Variants in NBPF15 observed in about 807,000 individuals in gnomAD.
NBPF15 encodes the protein NBPF member 15.
Under a neutral mutation model 62.2 loss-of-function variants are expected in NBPF15, and 74 were observed. The ratio of observed to expected loss-of-function variants is 1.19; its 90% CI spans 0.99 to 1.44. The LOEUF (loss-of-function observed/expected upper bound fraction) is 1.44, where lower values mean the gene tolerates loss of function less well. NBPF15 is among the 40% of genes most tolerant of loss of function. The pLI, the probability that NBPF15 is intolerant of heterozygous loss-of-function variation, is 0.00. For missense variants in NBPF15, 790 were observed against 550.0 expected, an observed-to-expected ratio of 1.44 and a Z score of -4.36; for synonymous variants, 244 against 209.7, an observed-to-expected ratio of 1.16 and a Z score of -1.41.
chr1:144,424,338 T>C (rs1267643006), intron 20 of NBPF15, among the ~76,000 whole-genome samples: 2 of 151,570 alleles, frequency 1.3e-5, no homozygotes, highest in African/African-American at 2.4e-5. Flanking sequence ...AGATTGTTCA[T>C]GGTTGTGAGG....
chr1:144,427,519 A>G (rs1367424541), intron 16 of NBPF15, among the ~76,000 whole-genome samples: 2 of 148,984 alleles, frequency 1.3e-5, no homozygotes, highest in African/African-American at 5.0e-5. Context: ...CAAGATCTAC[A>G]AAATTGAGAC....
intron 4 of NBPF15, among the ~76,000 whole-genome samples, chr1:144,455,483 C>T (rs587691954): frequency 6.6e-6 from 1 of 152,098 alleles, no homozygotes; most frequent in South Asian, 2.1e-4. Flanking sequence ...ATTCCTCTGG[C>T]CCACTGTTGC....
Position 144,428,316 on chromosome 1 carries a change from G to C in NBPF15, c.1040+290C>G, listed in dbSNP as rs1295713613. 4.0e-5 allele frequency among the ~76,000 whole-genome samples: 6 copies of C among 151,798 alleles called. 1 individual carries two copies. Among genetic ancestry groups the C allele is most frequent in the African/African-American group, 7.3e-5 (3 of 41,302 alleles). On this transcript the variant is annotated intron_variant, in intron 15 of 21. Transcript: ENST00000581897. ...ACACAGTGAACAGTGATCATGAAAA[G>C]CATGTCCTCAATAATTTTGCATAAA...
In NBPF15 at chr1:144,460,978, G is replaced by A. The variant is rs1652442670; in HGVS notation, c.-937-17C>T. ...ATCACCAGCCTGGAGAAACCGCCAG[G>A]AGCAGAATCCCGGAGGCCAATAAAG... On this transcript the variant is annotated splice_polypyrimidine_tract_variant and intron_variant, in intron 1 of 21. Transcript: ENST00000581897. 1 of 151,312 alleles carries A rather than the reference G, an allele frequency of 6.6e-6. No homozygotes were observed. Among genetic ancestry groups the A allele is most frequent in the African/African-American group, 2.4e-5 (1 of 41,104 alleles). 9.4% of individuals were successfully genotyped at this position (151,312 alleles called of 1,614,324 possible). A position where few individuals can be genotyped will look rare whatever the true frequency, so the allele number is the denominator to read the frequency against.
At chr1:144,458,986 G>A in intron 3 of NBPF15, among the ~76,000 whole-genome samples, 1 of 151,426 alleles carries the variant, frequency 6.6e-6, no homozygotes. Flanking sequence ...GTTGCAGTGA[G>A]CTGAGATCCT....
intron 6 of NBPF15, among the ~76,000 whole-genome samples, chr1:144,440,824 T>C (rs1490423144): frequency 6.6e-6 from 1 of 150,996 alleles, no homozygotes; most frequent in African/African-American, 2.4e-5. Context: ...GGCTAATTTT[T>C]CTTTTTCTTT....
In NBPF15 at chr1:144,439,824, C is replaced by A; in HGVS notation, c.175+5G>T. On this transcript the variant is annotated splice_donor_5th_base_variant and intron_variant, in intron 8 of 21. Transcript: ENST00000581897. Reference sequence around the variant, plus strand: ...CTTTCATGACGGTGAGCCTATAGATCTTACTGTATTTCTTCTGTCGGTTGG... The same window carrying A: ...CTTTCATGACGGTGAGCCTATAGATATTACTGTATTTCTTCTGTCGGTTGG... 1.3e-6 allele frequency: 2 copies of A among 1,590,896 alleles called. No individual in the cohort carries two copies. The highest frequency in any genetic ancestry group is 8.6e-7 in the Non-Finnish European group (1 of 1,163,884).
chr1:144,426,101 C>T (rs587651888), intron 18 of NBPF15, among the ~76,000 whole-genome samples, 177 bp downstream of exon 18: 112 of 92,212 alleles, frequency 1.2e-3, no homozygotes, highest in Non-Finnish European at 1.9e-3. Flanking sequence ...CTCACTGACC[C>T]ATTTCATGTC....
At chr1:144,457,000 A>AC (rs2102850254) in intron 3 of NBPF15, among the ~76,000 whole-genome samples, 195 bp from the exon 4 acceptor site, 2 of 150,490 alleles carry the variant, frequency 1.3e-5, no homozygotes, top group African/African-American at 4.9e-5. Flanking sequence ...ACATAGTAAG[A>AC]CCCCATCTCT....
chr1:144,457,274 G>A (rs1383382464), intron 3 of NBPF15, among the ~76,000 whole-genome samples: 4 of 152,072 alleles, frequency 2.6e-5, no homozygotes, highest in Non-Finnish European at 1.5e-5. Context: ...GGAATTATGA[G>A]TGTGTGGGTG....
intron 12 of NBPF15, 32 bp downstream of exon 12, chr1:144,435,079 G>A (rs1300767620): frequency 1.2e-6 from 2 of 1,611,956 alleles, no homozygotes; most frequent in Middle Eastern, 2.0e-4. Flanking sequence ...AGCCTAGAGA[G>A]AGGTATGAGA....
chr1:144,438,986 T>C (rs1480748712), intron 8 of NBPF15, among the ~76,000 whole-genome samples: 3 of 151,442 alleles, frequency 2.0e-5, no homozygotes, highest in Non-Finnish European at 4.4e-5. Context: ...TATTTATCAT[T>C]ATTATTATTA....
intron 6 of NBPF15, 196 bp from the exon 7 acceptor site, chr1:144,440,491 T>C (rs1681965791): frequency 4.5e-6 from 2 of 448,136 alleles, no homozygotes; most frequent in Admixed American, 3.9e-5. Context: ...CCCATGTCTT[T>C]CCCAATACAT....
At chr1:144,437,777 T>G (rs1184097577) in intron 9 of NBPF15, among the ~76,000 whole-genome samples, 168 bp downstream of exon 9, 1 of 152,016 alleles carries the variant, frequency 6.6e-6, no homozygotes, top group Non-Finnish European at 1.5e-5. Context: ...CCATACATTT[T>G]TATTATCCTT....
intron 17 of NBPF15, 99 bp from the exon 18 acceptor site, chr1:144,426,549 GA>G (rs1471469177): frequency 1.9e-5 from 14 of 738,532 alleles, no homozygotes; most frequent in Non-Finnish European, 3.5e-5. Flanking sequence ...TGTTTAAAAA[GA>G]AAAAGGACGG....
chr1:144,433,377 T>C (rs1675929688), intron 13 of NBPF15, among the ~76,000 whole-genome samples: 2 of 151,830 alleles, frequency 1.3e-5, no homozygotes, highest in South Asian at 4.2e-4. Flanking sequence ...CATCCTAACA[T>C]CACAATTAAA....
At chr1:144,423,421 A>G (rs1279539242) in intron 21 of NBPF15, among the ~76,000 whole-genome samples, 165 bp from the exon 22 acceptor site, 4 of 151,940 alleles carry the variant, frequency 2.6e-5, no homozygotes, top group African/African-American at 9.7e-5. Context: ...GGGATAGAAC[A>G]GGGCCAGGTA....
rs1485942005 is a variant in NBPF15, at chr1:144,435,262, A to T, written c.621T>A (p.Cys207Ter). ...KEVPEDSLEE[C>*]AITCSNSHGP... ...CATGGCTATTTGAACAAGTGATGGCACATTCCTCCAGTGAGTCCTCAGGGA... is the reference window on the plus strand; with the variant it reads ...CATGGCTATTTGAACAAGTGATGGCTCATTCCTCCAGTGAGTCCTCAGGGA... The change falls in exon 12 of 22, where the codon TGT (cysteine) becomes TGA (stop). Residue 207 changes from cysteine (C) to a stop codon, truncating the protein, a stop_gained. Transcript: ENST00000581897. LOFTEE classifies it high-confidence loss of function. 7.4e-6 allele frequency: 12 copies of T among 1,612,486 alleles called. No homozygotes were observed. The highest frequency in any genetic ancestry group is 1.1e-5 in the South Asian group (1 of 91,006).
intron 2 of NBPF15, among the ~76,000 whole-genome samples, chr1:144,459,961 CCA>C (rs1193974025): frequency 6.6e-6 from 1 of 150,778 alleles, no homozygotes; most frequent in African/African-American, 2.4e-5. Context: ...CAAATATACC[CCA>C]GTCTAGTAAT....
Sources: gnomAD v4.1 joint callset for allele counts (sites outside exome capture counted in the v4.1 genomes callset) on GRCh38, gnomAD v4.1.1 for gene constraint, MANE v1.5 for transcripts, NCBI Gene and HGNC (gene_info 2026-07-23, HGNC 2026-07-21) for gene names.